Variants in PARP12 observed in about 807,000 individuals in gnomAD.
The protein encoded by PARP12 is poly(ADP-ribose) polymerase family member 12.
Under a neutral mutation model 72.4 loss-of-function variants are expected in PARP12, and 59 were observed. That is an observed-to-expected ratio of 0.81 (90% CI 0.66 to 1.01). The LOEUF (loss-of-function observed/expected upper bound fraction) is 1.01. Ranked by LOEUF, PARP12 falls within the 50% of genes least tolerant of loss-of-function variation. The pLI is 0.00. For missense variants in PARP12, 851 were observed against 914.0 expected (o/e 0.93, Z 0.89); for synonymous variants, 403 against 371.4 (o/e 1.09, Z -0.98).
intron 1 of PARP12, 72 bp from the exon 2 acceptor site, chr7:140,058,106 TC>T: frequency 1.3e-6 from 2 of 1,520,192 alleles, no homozygotes; most frequent in Non-Finnish European, 1.8e-6. Flanking sequence ...GAGTCCTAAC[TC>T]CCACGACCTC....
At chr7:140,035,585 C>A (rs1314362190) in intron 7 of PARP12, among the ~76,000 whole-genome samples, 1 of 152,220 alleles carries the variant, frequency 6.6e-6, no homozygotes, top group East Asian at 1.9e-4. Flanking sequence ...CTCTGGAATC[C>A]TGGCATTTGC....
intron 4 of PARP12, among the ~76,000 whole-genome samples, chr7:140,049,059 T>C (rs1816849850): frequency 6.6e-6 from 1 of 152,230 alleles, no homozygotes; most frequent in Non-Finnish European, 1.5e-5. Flanking sequence ...GTGCATTCTT[T>C]CAGGCACATC....
chr7:140,037,670 C>A (rs779796634), intron 7 of PARP12, 45 bp downstream of exon 7: 1 of 1,605,594 alleles, frequency 6.2e-7, no homozygotes, highest in Non-Finnish European at 8.5e-7. Flanking sequence ...AGGGACAGAG[C>A]CAACACAGGC....
intron 1 of PARP12, among the ~76,000 whole-genome samples, chr7:140,059,187 G>A (rs933067124): frequency 2.0e-5 from 3 of 152,126 alleles, no homozygotes; most frequent in African/African-American, 4.8e-5. Flanking sequence ...GGAGGAGATG[G>A]GGCCTTGCAA....
In PARP12 at chr7:140,057,972, T is replaced by C. The variant is rs1436005456; in HGVS notation, c.389A>G (p.His130Arg). The C allele has an allele frequency of 6.2e-7, 1 of 1,613,834 alleles. No individual in the cohort carries two copies. The highest frequency in any genetic ancestry group is 1.7e-5 in the Admixed American group (1 of 60,030). The part of the protein sequence containing the change: ...TEHNLSVLRT[H>R]GVDHLSYNEL... The stretch of plus-strand genomic sequence containing the variant: ...ATTATAGCTCAGGTGGTCAACGCCA[T>C]GAGTTCTCAGCACACTCAGGTTGTG... Residue 130 changes from histidine to arginine, a missense_variant, in exon 2 of 12, where the codon CAT becomes CGT. His to Arg is a conservative substitution (Grantham distance 29, BLOSUM62 0). Coordinates refer to ENST00000263549, the MANE Select transcript of PARP12 (RefSeq NM_022750.4).
Position 140,062,318 on chromosome 7 carries a change from C to T in PARP12, c.326+204G>A, listed in dbSNP as rs191712591. On this transcript the variant is annotated intron_variant, in intron 1 of 11. Transcript: ENST00000263549. ...CTCTCCCCCCAGGCGTCTAGAGGAC[C>T]CCACTCGACCCTGAGTCCCTCGCAC... is the stretch of plus-strand genomic sequence containing the variant. 2.2e-4 allele frequency among the ~76,000 whole-genome samples: 33 copies of T among 152,260 alleles called. 1 individual carries two copies. The East Asian group carries it at 6.4e-3, about 30-fold the overall frequency.
At chr7:140,052,948 T>A (rs1301198432) in intron 4 of PARP12, among the ~76,000 whole-genome samples, 4 of 152,248 alleles carry the variant, frequency 2.6e-5, no homozygotes, top group African/African-American at 7.2e-5. Flanking sequence ...TAAAAGACAA[T>A]GCCAAGTGTT....
rs562565154 is a variant in PARP12 at position 140,026,477 on chromosome 7, G to A, written c.1629-129C>T. On this transcript the variant is annotated intron_variant, in intron 10 of 11. Transcript: ENST00000263549. ...CTGGGACCAAGAGACGCAGGTCACA[G>A]GCTACCCTGACTAGGCCTGTAAGCT... 19 of 1,254,074 alleles carry A rather than the reference G, an allele frequency of 1.5e-5. No individual in the cohort carries two copies. In the African/African-American group the frequency reaches 2.3e-4, roughly 16 times the overall value. 77.7% of individuals were successfully genotyped at this position (1,254,074 alleles called of 1,614,324 possible). A position where few individuals can be genotyped will look rare whatever the true frequency, so the allele number is the denominator to read the frequency against.
chr7:140,033,818 T>C (rs2116536821), intron 8 of PARP12: 1 of 987,284 alleles, frequency 1.0e-6, no homozygotes, highest in African/African-American at 1.7e-5. Flanking sequence ...TTTAGAGTTT[T>C]GGTATTCCGT....
Position 140,024,954 on chromosome 7 carries a change from T to C in PARP12, c.1781-69A>G, listed in dbSNP as rs1052782718. On this transcript the variant is annotated intron_variant, in intron 11 of 11. Coordinates refer to ENST00000263549, the MANE Select transcript of PARP12 (RefSeq NM_022750.4). The stretch of plus-strand genomic sequence containing the variant: ...CCAGGAAGGGTCAGCACACTGCGAA[T>C]AGCGTCCTGGTGATGTGCAACGCCA... 25 of 1,451,708 alleles carry C rather than the reference T, an allele frequency of 1.7e-5. No homozygotes were observed. In the Admixed American group the frequency reaches 3.1e-4, roughly 18 times the overall value. The allele number at this position is 1,451,708 out of a possible 1,614,324, so 89.9% of individuals were successfully genotyped here.
At position 140,033,118 on chromosome 7, in the gene PARP12, C is replaced by A. The variant is rs979017783; in HGVS notation, c.1421+1117G>T. 8.7e-6 allele frequency: 8 copies of A among 915,804 alleles called. No individual in the cohort carries two copies. In the African/African-American group the frequency reaches 1.4e-4, roughly 16 times the overall value. 56.7% of individuals were successfully genotyped at this position (915,804 alleles called of 1,614,324 possible). ...CAGGCGCACAGGCTGGTCTCGAACTCCTGGGCTCAAGCAATCTACCCGCCT... is the reference window on the plus strand; with the variant it reads ...CAGGCGCACAGGCTGGTCTCGAACTACTGGGCTCAAGCAATCTACCCGCCT... On this transcript the variant is annotated intron_variant, in intron 8 of 11. Coordinates refer to ENST00000263549, the MANE Select transcript of PARP12 (RefSeq NM_022750.4).
At chr7:140,061,411 C>A (rs1489002360) in intron 1 of PARP12, among the ~76,000 whole-genome samples, 1 of 152,140 alleles carries the variant, frequency 6.6e-6, no homozygotes, top group Non-Finnish European at 1.5e-5. Context: ...CACTACTGGG[C>A]CTGACATGAG....
At chr7:140,040,331 C>A (rs377267317) in intron 6 of PARP12, among the ~76,000 whole-genome samples, 1 of 152,054 alleles carries the variant, frequency 6.6e-6, no homozygotes, top group African/African-American at 2.4e-5. Flanking sequence ...TCGCCCACGA[C>A]GGGAGGGAGA....
At chr7:140,035,291 A>G (rs1239951831) in intron 7 of PARP12, among the ~76,000 whole-genome samples, 1 of 152,144 alleles carries the variant, frequency 6.6e-6, no homozygotes, top group African/African-American at 2.4e-5. Context: ...CCCACTACTC[A>G]GCCGCCCATC....
intron 7 of PARP12, among the ~76,000 whole-genome samples, chr7:140,036,026 GAGA>G (rs1325310907): frequency 3.8e-5 from 3 of 78,796 alleles, no homozygotes; most frequent in African/African-American, 1.5e-4. Flanking sequence ...GGAGAAGGAG[GAGA>G]AGGAGGAGAA....
rs1361957779 is a variant in PARP12, at chr7:140,024,419, A to G, written c.*141T>C. On this transcript the variant is annotated 3_prime_UTR_variant, in exon 12 of 12. Transcript: ENST00000263549. ...TTAAAAGTAAAAATCATTATTAGCA[A>G]GAGATTAAGAACATAACTTCATTGA... 2 of 957,134 alleles carry G rather than the reference A, an allele frequency of 2.1e-6. No individual in the cohort carries two copies. The highest frequency in any genetic ancestry group is 3.2e-6 in the Non-Finnish European group (2 of 619,376). The allele number at this position is 957,134 out of a possible 1,614,324, so 59.3% of individuals were successfully genotyped here.
chr7:140,032,957 T>C (rs1815998696), intron 8 of PARP12, among the ~76,000 whole-genome samples: 1 of 152,108 alleles, frequency 6.6e-6, no homozygotes, highest in African/African-American at 2.4e-5. Context: ...ATAATAATAA[T>C]AATTATTATT....
At chr7:140,037,597 T>C (rs1816260220) in intron 7 of PARP12, 118 bp downstream of exon 7, 3 of 1,449,472 alleles carry the variant, frequency 2.1e-6, no homozygotes, top group Non-Finnish European at 2.8e-6. Flanking sequence ...GTACCTTGCT[T>C]TTCTTTCCTG....
intron 9 of PARP12, among the ~76,000 whole-genome samples, 154 bp downstream of exon 9, chr7:140,028,459 A>G (rs1423715776): frequency 6.6e-6 from 1 of 152,150 alleles, no homozygotes; most frequent in Non-Finnish European, 1.5e-5. Context: ...AAAAACAAAA[A>G]CAAAAATAAA....
Sources: gnomAD v4.1 joint callset for allele counts (sites outside exome capture counted in the v4.1 genomes callset) on GRCh38, gnomAD v4.1.1 for gene constraint, MANE v1.5 for transcripts, NCBI Gene and HGNC (gene_info 2026-07-23, HGNC 2026-07-21) for gene names.